The following FAM186A variants were observed in gnomAD, a reference collection of about 807,000 sequenced individuals.
FAM186A encodes the protein protein FAM186A.
A neutral mutation model predicts 216.8 loss-of-function variants in FAM186A; 163 were observed. The observed-to-expected ratio is 0.75, with a 90% CI of 0.66 to 0.86. The LOEUF (loss-of-function observed/expected upper bound fraction) is 0.86. Among genes scored for constraint, FAM186A ranks in the 40% least tolerant of loss-of-function variants. FAM186A has a pLI of 0.00. For missense variants in FAM186A, 2,184 were observed against 2,746.2 expected (o/e 0.80, Z 4.58); for synonymous variants, 805 against 1,025.3 (o/e 0.79, Z 4.10).
intron 1 of FAM186A, among the ~76,000 whole-genome samples, chr12:50,371,248 G>C (rs1943139990): frequency 6.6e-6 from 1 of 151,766 alleles, no homozygotes; most frequent in African/African-American, 2.4e-5. Context: ...CTCCAGAGTA[G>C]CTGGGGTTAC....
intron 1 of FAM186A, among the ~76,000 whole-genome samples, chr12:50,379,786 CA>C (rs543793392): frequency 1.1e-3 from 145 of 137,592 alleles, no homozygotes; most frequent in African/African-American, 3.1e-3. Flanking sequence ...AACTCCATCT[CA>C]AAAAAAAAAA....
chr12:50,370,282 C>T (rs565685172), intron 1 of FAM186A, among the ~76,000 whole-genome samples: 77 of 151,632 alleles, frequency 5.1e-4, no homozygotes, highest in African/African-American at 1.6e-3. Context: ...CCATCCTAGG[C>T]GACAGAGTGA....
intron 4 of FAM186A, among the ~76,000 whole-genome samples, chr12:50,339,728 C>T (rs1942743521): frequency 7.4e-6 from 1 of 134,418 alleles, no homozygotes; most frequent in Non-Finnish European, 1.6e-5. Flanking sequence ...TAAGTATTAG[C>T]CACAAAGTAC....
chr12:50,327,476 C>A, intron 7 of FAM186A, 72 bp from the exon 8 acceptor site: 3 of 1,159,282 alleles, frequency 2.6e-6, no homozygotes, highest in South Asian at 2.9e-5. Flanking sequence ...ATAGGTGAGT[C>A]ATAGGGAAAA....
At chr12:50,359,225 C>G (rs1413198102) in intron 3 of FAM186A, among the ~76,000 whole-genome samples, 1 of 151,858 alleles carries the variant, frequency 6.6e-6, no homozygotes, top group Non-Finnish European at 1.5e-5. Context: ...ATGGAGAAAC[C>G]CCATCTCCAC....
At chr12:50,331,851 A>G (rs1157617469) in intron 5 of FAM186A, 30 bp from the exon 6 acceptor site, 1 of 1,497,782 alleles carries the variant, frequency 6.7e-7, no homozygotes, top group Admixed American at 2.6e-5. Context: ...AGAAAAAGGA[A>G]ACCATGAAAA....
At chr12:50,371,958 A>G (rs1033370523) in intron 1 of FAM186A, among the ~76,000 whole-genome samples, 2 of 151,930 alleles carry the variant, frequency 1.3e-5, no homozygotes, top group Non-Finnish European at 2.9e-5. Context: ...GATTACAGGC[A>G]TGCGCCACAA....
At chr12:50,337,089 T>C (rs937555521) in intron 4 of FAM186A, among the ~76,000 whole-genome samples, 1 of 151,432 alleles carries the variant, frequency 6.6e-6, no homozygotes, top group Non-Finnish European at 1.5e-5. Flanking sequence ...TATTTGTATT[T>C]AATATTTAAA....
intron 1 of FAM186A, among the ~76,000 whole-genome samples, chr12:50,389,772 A>G (rs1943340633): frequency 6.6e-6 from 1 of 152,168 alleles, no homozygotes; most frequent in Non-Finnish European, 1.5e-5. Context: ...GTACCTAGTT[A>G]AGCTTACAAT....
chr12:50,337,368 C>G (rs1393901943), intron 4 of FAM186A, among the ~76,000 whole-genome samples: 1 of 141,620 alleles, frequency 7.1e-6, no homozygotes, highest in Non-Finnish European at 1.5e-5. Context: ...GATCTTGGCT[C>G]ACTGCAGCCT....
intron 1 of FAM186A, among the ~76,000 whole-genome samples, chr12:50,374,479 A>C (rs1943178995): frequency 6.6e-6 from 1 of 152,202 alleles, no homozygotes; most frequent in African/African-American, 2.4e-5. Context: ...CCTGGTATGC[A>C]AGGCTGATTC....
chr12:50,335,463 G>T (rs1019130961), intron 4 of FAM186A, among the ~76,000 whole-genome samples: 1 of 152,040 alleles, frequency 6.6e-6, no homozygotes, highest in African/African-American at 2.4e-5. Context: ...GGCCAACATG[G>T]TGAAACCCCA....
At chr12:50,370,367 AG>A (rs980088178) in intron 1 of FAM186A, among the ~76,000 whole-genome samples, 1 of 152,084 alleles carries the variant, frequency 6.6e-6, no homozygotes, top group African/African-American at 2.4e-5. Flanking sequence ...GATCCAAAAA[AG>A]ATATACAAAT....
chr12:50,364,727 T>C (rs1943071149), intron 1 of FAM186A, among the ~76,000 whole-genome samples: 2 of 151,402 alleles, frequency 1.3e-5, no homozygotes, highest in Admixed American at 6.6e-5. Context: ...CAAAGTGAGA[T>C]CCTGCCTCTA....
chr12:50,355,748 T>C lies in FAM186A; in HGVS notation c.1084A>G (p.Arg362Gly), dbSNP rs1285768182. 2.6e-6 allele frequency: 4 copies of C among 1,551,674 alleles called. No individual in the cohort carries two copies. In the South Asian group the frequency reaches 3.6e-5, roughly 14 times the overall value. ...VLPGPSPQSS[R>G]AIIKVGDTED... is the part of the protein sequence containing the mutation. ...GTATCACCAACTTTGATTATCGCCCTGGATGACTGTGGAGAAGGTCCAGGT... is the reference window on the plus strand; with the variant it reads ...GTATCACCAACTTTGATTATCGCCCCGGATGACTGTGGAGAAGGTCCAGGT... Residue 362 changes from arginine (R) to glycine (G), a missense_variant, in exon 4 of 8, where the codon AGG becomes GGG. Transcript: ENST00000327337.
chr12:50,378,641 CATAT>C (rs1565894883), intron 1 of FAM186A, among the ~76,000 whole-genome samples: 12 of 139,884 alleles, frequency 8.6e-5, no homozygotes, highest in African/African-American at 3.0e-4. Context: ...TATACACATA[CATAT>C]ATATACACAC....
intron 3 of FAM186A, among the ~76,000 whole-genome samples, chr12:50,356,717 G>A (rs935142269): frequency 2.6e-5 from 4 of 152,202 alleles, no homozygotes; most frequent in African/African-American, 9.7e-5. Flanking sequence ...CTAAGACAAG[G>A]CCAGGGCTTG....
At chr12:50,365,771 G>A in intron 1 of FAM186A, 1 of 755,524 alleles carries the variant, frequency 1.3e-6, no homozygotes, top group South Asian at 1.4e-5. Flanking sequence ...AGCTGAGACA[G>A]AAGTACAACA....
At position 50,394,964 on chromosome 12, in the gene FAM186A, A is replaced by G. The variant is rs150388876; in HGVS notation, c.192+1329T>C. Among the ~76,000 whole-genome samples the G allele has an allele frequency of 3.2e-4, 48 of 151,158 alleles. 1 individual carries two copies. The highest frequency in any genetic ancestry group is 1.4e-3 in the Admixed American group (21 of 15,152). On this transcript the variant is annotated intron_variant, in intron 1 of 7. Transcript: ENST00000327337. ...GGGATGGTCTCAAACTCCTGGGCTC[A>G]AGTGAGCCTCTCACCTTGACCTCCT...
Sources: allele counts gnomAD v4.1 joint callset (sites outside exome capture counted in the v4.1 genomes callset), GRCh38; gene constraint gnomAD v4.1.1; transcripts MANE v1.5; gene names NCBI Gene and HGNC (gene_info 2026-07-23, HGNC 2026-07-21).